The following OXSR1 variants were observed in gnomAD, a reference collection of about 807,000 sequenced individuals.
OXSR1 encodes serine/threonine-protein kinase OSR1.
In OXSR1, 24 loss-of-function variants were observed where a neutral mutation model predicts 79.8. The ratio of observed to expected loss-of-function variants is 0.30; its 90% CI spans 0.22 to 0.42. The LOEUF is 0.42. Ranked by LOEUF, OXSR1 falls within the 10% of genes least tolerant of loss-of-function variation. OXSR1 has a pLI of 1.00. For missense variants in OXSR1, 430 were observed against 618.4 expected (o/e 0.70, Z 3.23); for synonymous variants, 226 against 209.2 (o/e 1.08, Z -0.69).
chr3:38,199,374 C>T (rs1238352665), intron 4 of OXSR1, among the ~76,000 whole-genome samples: 1 of 151,588 alleles, frequency 6.6e-6, no homozygotes, highest in Non-Finnish European at 1.5e-5. Flanking sequence ...AGTGATCCTC[C>T]CACCTCAGCC....
chr3:38,198,883 C>A lies in OXSR1; in HGVS notation c.434+20C>A. On this transcript the variant is annotated intron_variant, in intron 4 of 17. Coordinates refer to ENST00000311806, the MANE Select transcript of OXSR1 (RefSeq NM_005109.3). The stretch of plus-strand genomic sequence containing the variant: ...CCACAGGTATGTAAAAGACAATACT[C>A]TTGTGTTACATCATCTCATTAAGGC... 6.2e-7 allele frequency: 1 copy of A among 1,603,186 alleles called. No individual in the cohort carries two copies. The highest frequency in any genetic ancestry group is 1.1e-5 in the South Asian group (1 of 90,386).
chr3:38,248,211 C>T (rs1575377207), intron 14 of OXSR1, among the ~76,000 whole-genome samples: 1 of 151,614 alleles, frequency 6.6e-6, no homozygotes, highest in African/African-American at 2.4e-5. Flanking sequence ...TTTTTGTAGT[C>T]TGTTTCTGTT....
intron 2 of OXSR1, among the ~76,000 whole-genome samples, chr3:38,185,946 CAAAAAAAAAA>C (rs71085304): frequency 1.2e-4 from 4 of 32,116 alleles, no homozygotes; most frequent in East Asian, 1.3e-3. Flanking sequence ...GGCCCTGTCT[CAAAAAAAAAA>C]AAAAAAAAAA....
chr3:38,225,672 C>T (rs1344513578), intron 8 of OXSR1, among the ~76,000 whole-genome samples: 1 of 151,814 alleles, frequency 6.6e-6, no homozygotes, highest in Non-Finnish European at 1.5e-5. Flanking sequence ...TTACAAATAC[C>T]TAGAAATGCC....
At chr3:38,241,910 T>TAA (rs372523146) in intron 11 of OXSR1, among the ~76,000 whole-genome samples, 13 of 144,872 alleles carry the variant, frequency 9.0e-5, no homozygotes, top group African/African-American at 2.8e-4. Flanking sequence ...ATAAAAGTGT[T>TAA]AAAAAAAAAA....
At chr3:38,178,333 C>T (rs1021863483) in intron 1 of OXSR1, among the ~76,000 whole-genome samples, 1 of 151,896 alleles carries the variant, frequency 6.6e-6, no homozygotes, top group African/African-American at 2.4e-5. Context: ...TGTATTTATC[C>T]ATGTTGGTGT....
chr3:38,226,055 G>A (rs1354114380), intron 8 of OXSR1, among the ~76,000 whole-genome samples: 1 of 152,012 alleles, frequency 6.6e-6, no homozygotes, highest in East Asian at 1.9e-4. Context: ...ATGTTATCCA[G>A]GAACCCACAG....
At chr3:38,245,274 A>C (rs753205844) in intron 12 of OXSR1, among the ~76,000 whole-genome samples, 1 of 152,168 alleles carries the variant, frequency 6.6e-6, no homozygotes, top group Admixed American at 6.6e-5. Context: ...CAGTAACTGC[A>C]TAATTTTGAA....
rs35508927 is a variant in OXSR1, at chr3:38,253,853, G to A, written c.*962G>A. 329 of 246,996 alleles carry A rather than the reference G, an allele frequency of 1.3e-3. No individual in the cohort carries two copies. Among genetic ancestry groups the A allele is most frequent in the African/African-American group, 6.9e-3 (315 of 45,326 alleles). The allele number at this position is 246,996 out of a possible 1,614,324, so 15.3% of individuals were successfully genotyped here. A position where few individuals can be genotyped will look rare whatever the true frequency, so the allele number is the denominator to read the frequency against. ...TAAAGGAGACACACACTGGGCCAGAGAGGCCTGCCTTCTGCCTGCTCTCCT... is the reference window on the plus strand; with the variant it reads ...TAAAGGAGACACACACTGGGCCAGAAAGGCCTGCCTTCTGCCTGCTCTCCT... On this transcript the variant is annotated 3_prime_UTR_variant, in exon 18 of 18. Transcript: ENST00000311806.
At position 38,254,316 on chromosome 3, in the gene OXSR1, C is replaced by CA. The variant is rs1220027144; in HGVS notation, c.*1428dup. 2.5e-6 allele frequency: 1 copy of CA among 398,154 alleles called. No individual in the cohort carries two copies. The highest frequency in any genetic ancestry group is 2.1e-5 in the African/African-American group (1 of 48,598). 24.7% of individuals were successfully genotyped at this position (398,154 alleles called of 1,614,324 possible). ...GGAACATATCTGAAAACCTTCCCCA[C>CA]AAATAACTTGTCACACCTTTTGTTT... On this transcript the variant is annotated 3_prime_UTR_variant, in exon 18 of 18. Transcript: ENST00000311806.
At position 38,187,866 on chromosome 3, in the gene OXSR1, G is replaced by A. The variant is rs140269022; in HGVS notation, c.184-2865G>A. Among the ~76,000 whole-genome samples the A allele has an allele frequency of 9.9e-3, 1,501 of 152,238 alleles. 31 individuals are homozygous for A. The highest frequency in any genetic ancestry group is 0.032 in the African/African-American group (1,328 of 41,532). ...CTCCCAAAGTGCTGGGATTATAGGT[G>A]TGAGCCACTGTACCTGGCCTATAAA... On this transcript the variant is annotated intron_variant, in intron 2 of 17. Transcript: ENST00000311806.
At chr3:38,242,252 A>G (rs901995761) in intron 11 of OXSR1, among the ~76,000 whole-genome samples, 5 of 152,296 alleles carry the variant, frequency 3.3e-5, no homozygotes, top group African/African-American at 1.2e-4. Flanking sequence ...CCAAATATCC[A>G]ACACCAAGAA....
intron 12 of OXSR1, 24 bp downstream of exon 12, chr3:38,242,802 C>T (rs1044812341): frequency 2.8e-6 from 4 of 1,427,856 alleles, no homozygotes; most frequent in Non-Finnish European, 3.9e-6. Context: ...ATTATTGAAT[C>T]CTTGTTAAAG....
chr3:38,179,721 C>T (rs1353754444), intron 1 of OXSR1, among the ~76,000 whole-genome samples: 1 of 152,088 alleles, frequency 6.6e-6, no homozygotes, highest in East Asian at 1.9e-4. Context: ...GCAGGACCCT[C>T]ATTGTGTGAA....
chr3:38,219,467 A>G (rs535057078), intron 5 of OXSR1, among the ~76,000 whole-genome samples: 1 of 152,292 alleles, frequency 6.6e-6, no homozygotes, highest in East Asian at 1.9e-4. Context: ...AATACCTAGT[A>G]CTTATTGAGT....
chr3:38,242,848 C>A, intron 12 of OXSR1, 70 bp downstream of exon 12: 1 of 974,964 alleles, frequency 1.0e-6, no homozygotes, highest in Non-Finnish European at 1.6e-6. Context: ...ATTCGAAGTG[C>A]TTTTGTTTGT....
chr3:38,193,613 CTTT>C (rs35335075), intron 3 of OXSR1, among the ~76,000 whole-genome samples: 1 of 131,578 alleles, frequency 7.6e-6, no homozygotes, highest in African/African-American at 2.8e-5. Flanking sequence ...AGCAGAACGA[CTTT>C]TTTTTTTTTT....
In OXSR1 at chr3:38,190,780, A is replaced by C; in HGVS notation, c.233A>C (p.Tyr78Ser). ...SQCHHPNIVS[Y>S]YTSFVVKDEL... ...TGCCATCATCCTAATATTGTATCTT[A>C]CTACACATCTTTTGTGGTAAAAGAT... The change falls in exon 3 of 18, where the codon TAC (tyrosine) becomes TCC (serine). Residue 78 changes from tyrosine to serine, a missense_variant. Tyr to Ser is a moderately radical substitution (Grantham distance 144). Transcript: ENST00000311806. 1 of 1,610,040 alleles carries C rather than the reference A, an allele frequency of 6.2e-7. No homozygotes were observed. Among genetic ancestry groups the C allele is most frequent in the Non-Finnish European group, 8.5e-7 (1 of 1,176,432 alleles).
chr3:38,171,912 T>C (rs1408692731), intron 1 of OXSR1, among the ~76,000 whole-genome samples: 1 of 152,244 alleles, frequency 6.6e-6, no homozygotes, highest in Non-Finnish European at 1.5e-5. Flanking sequence ...ATTCAAATCC[T>C]GACATTGCCT....
Sources: gnomAD v4.1 joint callset for allele counts (sites outside exome capture counted in the v4.1 genomes callset) on GRCh38, gnomAD v4.1.1 for gene constraint, MANE v1.5 for transcripts, NCBI Gene and HGNC (gene_info 2026-07-23, HGNC 2026-07-21) for gene names.